The following DOK7 variants were observed in gnomAD, a reference collection of about 807,000 sequenced individuals.
DOK7 encodes docking protein 7.
A neutral mutation model predicts 30.7 loss-of-function variants in DOK7; 32 were observed. The observed-to-expected ratio is 1.04, with a 90% CI of 0.79 to 1.40. DOK7 has a LOEUF of 1.40. DOK7 is among the 40% of genes most tolerant of loss of function. DOK7 has a pLI of 0.00. For missense variants in DOK7, 1,007 were observed against 699.2 expected, an observed-to-expected ratio of 1.44 and a Z score of -4.97; for synonymous variants, 447 against 324.1, an observed-to-expected ratio of 1.38 and a Z score of -4.07.
At chr4:3,500,189 A>G in intron 6 of DOK7, 1 of 1,515,280 alleles carries the variant, frequency 6.6e-7, no homozygotes, top group Non-Finnish European at 8.8e-7. Context: ...TTTACTGCAC[A>G]ATCTTTGAGA....
downstream of DOK7, among the ~76,000 whole-genome samples, chr4:3,496,416 C>G (rs1728916416): frequency 6.6e-6 from 1 of 152,374 alleles, no homozygotes; most frequent in Middle Eastern, 3.4e-3. Flanking sequence ...ACCCTCGGAG[C>G]AGCCGCTCAG....
Position 3,493,222 on chromosome 4 carries a change from C to T in DOK7, c.1236C>T (p.Cys412=), listed in dbSNP as rs556834250. The T allele has an allele frequency of 1.9e-6, 3 of 1,612,024 alleles. No individual in the cohort carries two copies. In the South Asian group the frequency reaches 3.3e-5, roughly 18 times the overall value. ...ACTATGACACACCACGCAGCCTTTG[C>T]CTGGCTCCTAGAGACCACAGCCCCC... ...RAHYDTPRSL[C]LAPRDHSPPS... The change falls in exon 7 of 7, where the codon TGC becomes TGT. Residue 412 remains cysteine, a synonymous_variant. Transcript: ENST00000340083.
At chr4:3,486,909 C>T (rs887409629) in intron 5 of DOK7, among the ~76,000 whole-genome samples, 18 of 152,052 alleles carry the variant, frequency 1.2e-4, no homozygotes, top group African/African-American at 3.9e-4. Context: ...CTCTCCTGCT[C>T]CCCTCAGGCA....
intron 2 of DOK7, among the ~76,000 whole-genome samples, chr4:3,470,966 C>T (rs1410871513): frequency 6.6e-6 from 1 of 152,188 alleles, no homozygotes; most frequent in Non-Finnish European, 1.5e-5. Flanking sequence ...CAGAGCAGAG[C>T]CACAGGGGAG....
At position 3,468,519 on chromosome 4, in the gene DOK7, AGT is replaced by A. The variant is rs550878147; in HGVS notation, c.101-4879_101-4878del. ...GTGCATGTGCGTGTGTGCGTGTATG[AGT>A]GTGTGTGACTGTGAGTGTATGTGTG... On this transcript the variant is annotated intron_variant, in intron 2 of 6. Coordinates refer to ENST00000340083, the MANE Select transcript of DOK7 (RefSeq NM_173660.5). Among the ~76,000 whole-genome samples, 93 of 94,142 alleles carry A rather than the reference AGT, an allele frequency of 9.9e-4. 1 individual carries two copies. In the Middle Eastern group the frequency reaches 0.023, roughly 24 times the overall value. The allele number at this position is 94,142 out of a possible 152,430, so 61.8% of individuals were successfully genotyped here. A position where few individuals can be genotyped will look rare whatever the true frequency, so the allele number is the denominator to read the frequency against.
At chr4:3,492,062 C>T (rs1283886876) in intron 6 of DOK7, among the ~76,000 whole-genome samples, 1 of 152,210 alleles carries the variant, frequency 6.6e-6, no homozygotes, top group Admixed American at 6.5e-5. Flanking sequence ...CTCACAGCTG[C>T]TTTCCATTTG....
intron 3 of DOK7, among the ~76,000 whole-genome samples, chr4:3,475,911 A>C (rs980966196): frequency 2.6e-5 from 4 of 152,048 alleles, no homozygotes; most frequent in Non-Finnish European, 5.9e-5. Context: ...GCCCCTGAAC[A>C]AAGATAGTTC....
chr4:3,470,856 T>A (rs1726714959), intron 2 of DOK7, among the ~76,000 whole-genome samples: 1 of 152,230 alleles, frequency 6.6e-6, no homozygotes, highest in Admixed American at 6.5e-5. Context: ...GGAATGTAAC[T>A]TGTTGAACAA....
intron 2 of DOK7, among the ~76,000 whole-genome samples, chr4:3,468,506 G>GTGTGCGTGTATGTGTGTGAC (rs879881019): frequency 0.15 from 22,194 of 150,442 alleles, 1,748 homozygotes; most frequent in African/African-American, 0.2. Flanking sequence ...GCATGTGCGT[G>GTGTGCGTGTATGTGTGTGAC]TGTGCGTGTA....
At chr4:3,472,062 A>C (rs1726794845) in intron 2 of DOK7, among the ~76,000 whole-genome samples, 1 of 152,238 alleles carries the variant, frequency 6.6e-6, no homozygotes, top group South Asian at 2.1e-4. Flanking sequence ...TGTGGCCCTG[A>C]AAGCTGCATG....
intron 4 of DOK7, chr4:3,484,833 T>A: frequency 8.1e-6 from 8 of 985,450 alleles, no homozygotes; most frequent in Non-Finnish European, 9.6e-6. Context: ...GGCTGCAGCA[T>A]GTGTGGGCAG....
chr4:3,472,514 G>GC (rs2109334060), intron 2 of DOK7, among the ~76,000 whole-genome samples: 1 of 152,356 alleles, frequency 6.6e-6, no homozygotes, highest in Non-Finnish European at 1.5e-5. Flanking sequence ...GAGCCATGCC[G>GC]GGAGGGCCGG....
chr4:3,489,655 C>A (rs769787886), intron 5 of DOK7, 22 bp from the exon 6 acceptor site: 7 of 1,562,002 alleles, frequency 4.5e-6, no homozygotes, highest in Non-Finnish European at 5.2e-6. Context: ...ACCTCCTCCA[C>A]CGAGTCTTCT....
intron 3 of DOK7, among the ~76,000 whole-genome samples, chr4:3,476,135 G>A (rs1727039831): frequency 7.1e-6 from 1 of 140,168 alleles, no homozygotes; most frequent in Non-Finnish European, 1.6e-5. Context: ...CTCTCATGAT[G>A]CCCTCTCGCC....
intron 4 of DOK7, among the ~76,000 whole-genome samples, chr4:3,483,909 G>T (rs1727590566): frequency 6.6e-6 from 1 of 152,192 alleles, no homozygotes; most frequent in African/African-American, 2.4e-5. Context: ...CCAGCTTGGG[G>T]GCCCCACCCC....
chr4:3,491,917 TGGTCC>T (rs976706014), intron 6 of DOK7, among the ~76,000 whole-genome samples: 3 of 152,242 alleles, frequency 2.0e-5, no homozygotes, highest in Non-Finnish European at 4.4e-5. Flanking sequence ...GGAGCCGTGC[TGGTCC>T]GGCCAGTGCC....
At chr4:3,490,125 C>CTCCCTGCTCATTCATTCCTTCCT (rs1728143371) in intron 6 of DOK7, among the ~76,000 whole-genome samples, 1 of 43,094 alleles carries the variant, frequency 2.3e-5, no homozygotes, top group Non-Finnish European at 4.0e-5. Flanking sequence ...CATTCCTTTT[C>CTCCCTGCTCATTCATTCCTTCCT]TCCCTGCTCA....
Position 3,481,069 on chromosome 4 carries a change from A to C in DOK7, c.533-4470A>C, listed in dbSNP as rs553399609. 4.6e-5 allele frequency among the ~76,000 whole-genome samples: 7 copies of C among 152,032 alleles called. No homozygotes were observed. The East Asian group carries it at 1.4e-3, about 30-fold the overall frequency. On this transcript the variant is annotated intron_variant, in intron 4 of 6. Transcript: ENST00000340083. Reference sequence around the variant, plus strand: ...CTTTGAGCACGAATGGGTGTCCCGAAGGGCTGTGTAGGAGCCCTGTTGGGG... The same window carrying C: ...CTTTGAGCACGAATGGGTGTCCCGACGGGCTGTGTAGGAGCCCTGTTGGGG...
chr4:3,472,917 C>G (rs1289429155), intron 2 of DOK7, among the ~76,000 whole-genome samples: 1 of 152,008 alleles, frequency 6.6e-6, no homozygotes, highest in African/African-American at 2.4e-5. Flanking sequence ...ACTAAAGGAA[C>G]CAGGAGGGGC....
Sources: gnomAD v4.1 joint callset for allele counts (sites outside exome capture counted in the v4.1 genomes callset) on GRCh38, gnomAD v4.1.1 for gene constraint, MANE v1.5 for transcripts, NCBI Gene and HGNC (gene_info 2026-07-23, HGNC 2026-07-21) for gene names.